Variants in MOCS1 observed in about 807,000 individuals in gnomAD.
MOCS1 encodes molybdenum cofactor synthesis 1.
MOCS1 carries 39 observed loss-of-function variants against 57.6 expected under a neutral mutation model. The ratio of observed to expected loss-of-function variants is 0.68; its 90% CI spans 0.52 to 0.88. The LOEUF is 0.88. Ranked by LOEUF, MOCS1 falls within the 40% of genes least tolerant of loss-of-function variation. MOCS1 has a pLI of 0.00. For synonymous variants in MOCS1, 334 were observed against 335.7 expected, an observed-to-expected ratio of 1.00 and a Z score of 0.05; for missense variants, 795 against 831.1, an observed-to-expected ratio of 0.96 and a Z score of 0.53.
In MOCS1 at chr6:39,906,785, C is replaced by A; in HGVS notation, c.1483G>T (p.Asp495Tyr). ...VDSEGRAAMV[D>Y]VGRKPDTERV... ...TCTGTGTCTGGCTTCCTGCCCACAT[C>A]TACCATAGCTGCCCGTCCTTCCGAG... The change falls in exon 11 of 11, where the codon GAT becomes TAT. Residue 495 changes from aspartate to tyrosine, a missense_variant. By Grantham distance (160) the Asp-to-Tyr change is radical. Transcript: ENST00000340692. The A allele has an allele frequency of 6.2e-7, 1 of 1,614,210 alleles. No homozygotes were observed. Among genetic ancestry groups the A allele is most frequent in the South Asian group, 1.1e-5 (1 of 91,076 alleles).
At chr6:39,908,984 T>C in intron 10 of MOCS1, 71 bp downstream of exon 10, 2 of 1,316,370 alleles carry the variant, frequency 1.5e-6, no homozygotes, top group Admixed American at 1.7e-5. Flanking sequence ...GGGGTGCCTA[T>C]GGCACGGCTC....
chr6:39,923,072 T>C (rs1038421584), intron 3 of MOCS1, among the ~76,000 whole-genome samples: 3 of 152,136 alleles, frequency 2.0e-5, no homozygotes, highest in Non-Finnish European at 4.4e-5. Flanking sequence ...GCAGCCACCA[T>C]TCTTTTTGAA....
Position 39,905,448 on chromosome 6 carries a change from T to C in MOCS1, c.*909A>G, listed in dbSNP as rs928089182. On this transcript the variant is annotated 3_prime_UTR_variant, in exon 11 of 11. Transcript: ENST00000340692. Reference sequence around the variant, plus strand: ...TCTTGGGATAGGATTGATTGATTGATTGATAGGTGCAGCCTTCCCTGTGAA... The same window carrying C: ...TCTTGGGATAGGATTGATTGATTGACTGATAGGTGCAGCCTTCCCTGTGAA... 4.2e-6 allele frequency: 2 copies of C among 470,942 alleles called. No individual in the cohort carries two copies. The highest frequency in any genetic ancestry group is 2.0e-5 in the African/African-American group (1 of 50,082). The allele number at this position is 470,942 out of a possible 1,614,324, so 29.2% of individuals were successfully genotyped here.
chr6:39,907,004 T>C lies in MOCS1; in HGVS notation c.1264A>G (p.Thr422Ala). The change falls in exon 11 of 11, where the codon ACT becomes GCT. Residue 422 changes from threonine to alanine, a missense_variant. Thr to Ala is a moderately conservative substitution (Grantham distance 58). This residue lies in a region of MOCS1 where 374 missense variants were observed against 422.6 expected (regional missense o/e 0.89). Transcript: ENST00000340692. ...PRMSFSSQVA[T>A]LWKGCRVPQT... ...GGGACCCTGCATCCTTTCCATAAAG[T>C]GGCCACCTGGCTGGAGAAACTCATT... is the stretch of plus-strand genomic sequence containing the variant. The C allele has an allele frequency of 1.9e-6, 3 of 1,613,862 alleles. No individual in the cohort carries two copies. Among genetic ancestry groups the C allele is most frequent in the Non-Finnish European group, 2.5e-6 (3 of 1,179,868 alleles).
intron 4 of MOCS1, among the ~76,000 whole-genome samples, chr6:39,915,352 AG>A (rs1767595417): frequency 1.3e-5 from 2 of 152,126 alleles, no homozygotes; most frequent in South Asian, 4.1e-4. Flanking sequence ...TCCAAGGAAG[AG>A]GAAGGAGATC....
At chr6:39,920,310 C>T (rs565840744) in intron 3 of MOCS1, among the ~76,000 whole-genome samples, 1 of 152,264 alleles carries the variant, frequency 6.6e-6, no homozygotes, top group Non-Finnish European at 1.5e-5. Flanking sequence ...GGATCTCTTA[C>T]ATAGGGCGGG....
chr6:39,905,848 C>A lies in MOCS1; in HGVS notation c.*509G>T, dbSNP rs747545405. 2 of 466,814 alleles carry A rather than the reference C, an allele frequency of 4.3e-6. No homozygotes were observed. The highest frequency in any genetic ancestry group is 1.6e-5 in the South Asian group (1 of 64,322). The allele number at this position is 466,814 out of a possible 1,614,324, so 28.9% of individuals were successfully genotyped here. On this transcript the variant is annotated 3_prime_UTR_variant, in exon 11 of 11. Transcript: ENST00000340692. ...GACAGGACAGGACAGGGCAGGGCTGCGGCTTCACAGACTTAGGGAGGCAGA... is the reference window on the plus strand; with the variant it reads ...GACAGGACAGGACAGGGCAGGGCTGAGGCTTCACAGACTTAGGGAGGCAGA...
rs533002385 is a variant in MOCS1, at chr6:39,904,979, A to G, written c.*1378T>C. On this transcript the variant is annotated 3_prime_UTR_variant, in exon 11 of 11. Coordinates refer to ENST00000340692, the MANE Select transcript of MOCS1 (RefSeq NM_001358530.2). ...GTGAGAACCAATTGTTTACATTTTC[A>G]GAAATTTTGCAAGCCATTTGACATA... 1.5e-4 allele frequency: 66 copies of G among 453,958 alleles called. No individual in the cohort carries two copies. The highest frequency in any genetic ancestry group is 2.7e-4 in the Non-Finnish European group (62 of 226,808). 28.1% of individuals were successfully genotyped at this position (453,958 alleles called of 1,614,324 possible).
chr6:39,911,834 G>A (rs563320384), intron 8 of MOCS1, among the ~76,000 whole-genome samples: 2 of 152,322 alleles, frequency 1.3e-5, no homozygotes, highest in South Asian at 4.1e-4. Flanking sequence ...TAGCCCTGAC[G>A]AGAAGGGGTC....
At chr6:39,917,732 A>G (rs1319985810) in intron 3 of MOCS1, among the ~76,000 whole-genome samples, 1 of 152,226 alleles carries the variant, frequency 6.6e-6, no homozygotes, top group Non-Finnish European at 1.5e-5. Context: ...TCTTTTAAAA[A>G]GCAGAGGGAA....
rs1462174852 is a variant in MOCS1, at chr6:39,905,599, T to C, written c.*758A>G. 2.1e-6 allele frequency: 1 copy of C among 471,162 alleles called. No individual in the cohort carries two copies. The highest frequency in any genetic ancestry group is 4.4e-6 in the Non-Finnish European group (1 of 227,058). The allele number at this position is 471,162 out of a possible 1,614,324, so 29.2% of individuals were successfully genotyped here. A position where few individuals can be genotyped will look rare whatever the true frequency, so the allele number is the denominator to read the frequency against. On this transcript the variant is annotated 3_prime_UTR_variant, in exon 11 of 11. Transcript: ENST00000340692. ...CTATCATCAACTTTTCTTTCCCTGA[T>C]ATGCTCCAGAATAAAGAGGGGTGGG...
rs565003602 is a variant in MOCS1, at chr6:39,914,389, G to A, written c.584-554C>T. On this transcript the variant is annotated intron_variant, in intron 4 of 10. Coordinates refer to ENST00000340692, the MANE Select transcript of MOCS1 (RefSeq NM_001358530.2). ...TTCAGAATGCAGGTTTTCCACTCCC[G>A]TTTCAGTGTTTTTTCCTCAACAGTC... Among the ~76,000 whole-genome samples the A allele has an allele frequency of 1.7e-4, 26 of 152,298 alleles. No homozygotes were observed. In the South Asian group the frequency reaches 4.3e-3, roughly 25 times the overall value.
At chr6:39,929,095 T>C (rs1436459052) in intron 1 of MOCS1, among the ~76,000 whole-genome samples, 2 of 152,178 alleles carry the variant, frequency 1.3e-5, no homozygotes, top group Non-Finnish European at 2.9e-5. Flanking sequence ...TGAGAGTATG[T>C]GTGAAGCTGC....
chr6:39,928,662 G>A (rs188995938), intron 1 of MOCS1, among the ~76,000 whole-genome samples: 1 of 152,320 alleles, frequency 6.6e-6, no homozygotes, highest in East Asian at 1.9e-4. Context: ...CAGTAGGTAT[G>A]ACCTGGTACA....
chr6:39,911,770 G>A (rs1767344126), intron 8 of MOCS1, among the ~76,000 whole-genome samples: 1 of 152,180 alleles, frequency 6.6e-6, no homozygotes, highest in African/African-American at 2.4e-5. Flanking sequence ...CGTGTGGCAA[G>A]GACTCTCGTG....
rs751709940 is a variant in MOCS1 at position 39,906,946 on chromosome 6, C to A, written c.1322G>T (p.Gly441Val). Residue 441 changes from glycine (G) to valine (V), a missense_variant, in exon 11 of 11, where the codon GGG (glycine) becomes GTG (valine). By Grantham distance (109) the Gly-to-Val change is moderately radical. This residue lies in a region of MOCS1 where 374 missense variants were observed against 422.6 expected (regional missense o/e 0.89). Transcript: ENST00000340692. The stretch of plus-strand genomic sequence containing the variant: ...GTAGTGTCTCTGAAAGGAGCCAGAC[C>A]CCAGCCGCTGCTGGGCTAGAGGAGG... ...QTPPLAQQRL[G>V]SGSFQRHYTS... The A allele has an allele frequency of 3.2e-5, 51 of 1,613,918 alleles. No homozygotes were observed. The African/African-American group carries it at 5.7e-4, about 18-fold the overall frequency.
chr6:39,930,931 G>A (rs1381014553), intron 1 of MOCS1, among the ~76,000 whole-genome samples: 1 of 152,180 alleles, frequency 6.6e-6, no homozygotes, highest in Non-Finnish European at 1.5e-5. Context: ...AGGAGTTCCT[G>A]GCACCGAGGT....
Position 39,916,252 on chromosome 6 carries a change from G to A in MOCS1, c.419-20C>T. The A allele has an allele frequency of 1.2e-6, 2 of 1,612,816 alleles. No individual in the cohort carries two copies. The highest frequency in any genetic ancestry group is 1.1e-5 in the South Asian group (1 of 91,024). On this transcript the variant is annotated intron_variant, in intron 3 of 10. Coordinates refer to ENST00000340692, the MANE Select transcript of MOCS1 (RefSeq NM_001358530.2). ...GCTGGGCTGTAAGGACAACAGAAAG[G>A]GGGTCAGACTGCTTGCTTGTTCTTG...
Position 39,906,952 on chromosome 6 carries a change from C to G in MOCS1, c.1316G>C (p.Arg439Pro). ...VPQTPPLAQQRLGSGSFQRHY... is the reference protein window; with the variant it reads ...VPQTPPLAQQPLGSGSFQRHY... The stretch of plus-strand genomic sequence containing the variant: ...TCTCTGAAAGGAGCCAGACCCCAGC[C>G]GCTGCTGGGCTAGAGGAGGGGTCTG... Residue 439 changes from arginine to proline, a missense_variant, in exon 11 of 11, where the codon CGG becomes CCG. Arg to Pro is a moderately radical substitution (Grantham distance 103). Coordinates refer to ENST00000340692, the MANE Select transcript of MOCS1 (RefSeq NM_001358530.2). The G allele has an allele frequency of 1.2e-6, 2 of 1,614,070 alleles. No homozygotes were observed. The highest frequency in any genetic ancestry group is 2.2e-5 in the South Asian group (2 of 91,062).
Sources: allele counts gnomAD v4.1 joint callset (sites outside exome capture counted in the v4.1 genomes callset), GRCh38; gene constraint gnomAD v4.1.1; regional missense constraint gnomAD v4.1.1; transcripts MANE v1.5; gene names NCBI Gene and HGNC (gene_info 2026-07-23, HGNC 2026-07-21).